DMD: variants seen among roughly 807,000 people sequenced by gnomAD.
DMD encodes the protein dystrophin.
A neutral mutation model predicts 330.1 loss-of-function variants in DMD; 63 were observed. The ratio of observed to expected loss-of-function variants is 0.19; its 90% CI spans 0.16 to 0.24. The LOEUF (loss-of-function observed/expected upper bound fraction) is 0.24, where lower values mean the gene tolerates loss of function less well. Among genes scored for constraint, DMD ranks in the 10% least tolerant of loss-of-function variants. The probability of loss-of-function intolerance (pLI) is 1.00; values close to 1 mark genes in which losing one functional copy is unlikely to be tolerated. For missense variants in DMD, 3,344 were observed against 2,684.1 expected, an observed-to-expected ratio of 1.25 and a Z score of -5.43; for synonymous variants, 1,223 against 959.8, an observed-to-expected ratio of 1.27 and a Z score of -5.07.
chrX:33,266,114 C>T (rs1031890425), intron 1 of DMD, among the ~76,000 whole-genome samples: 1 of 111,276 alleles, frequency 9.0e-6, no homozygotes, highest in Non-Finnish European at 1.9e-5. Flanking sequence ...TCAGCCTTGG[C>T]CTCCCCTTAT....
intron 29 of DMD, among the ~76,000 whole-genome samples, chrX:32,419,738 G>C (rs1264295887): frequency 9.0e-6 from 1 of 111,601 alleles, no homozygotes; most frequent in Non-Finnish European, 1.9e-5. Context: ...TGGTTAATAG[G>C]AACTTCACCT....
At chrX:33,060,370 T>C (rs2094567829) in intron 1 of DMD, among the ~76,000 whole-genome samples, 1 of 111,229 alleles carries the variant, frequency 9.0e-6, no homozygotes, top group African/African-American at 3.3e-5. Context: ...CTGGCTAAAC[T>C]GATCTGGCCT....
At chrX:31,862,125 T>C (rs73464102) in intron 48 of DMD, among the ~76,000 whole-genome samples, 5,679 of 110,214 alleles carry the variant, frequency 0.052, 123 homozygotes, top group Middle Eastern at 0.088. Context: ...ATTCAATAAA[T>C]AAACAAAATT....
chrX:32,518,387 T>TA (rs756541626), intron 17 of DMD, among the ~76,000 whole-genome samples: 2 of 110,054 alleles, frequency 1.8e-5, no homozygotes, highest in Non-Finnish European at 3.8e-5. Flanking sequence ...ATATATCCTG[T>TA]AAGCTATTAC....
chrX:32,849,932 T>A lies in DMD; in HGVS notation c.94-112A>T, dbSNP rs72470532. The A allele has an allele frequency of 1.2e-3, 717 of 615,369 alleles. 8 individuals are homozygous for A. In the African/African-American group the frequency reaches 0.015, roughly 13 times the overall value. The allele number at this position is 615,369 out of a possible 1,213,427, so 50.7% of individuals were successfully genotyped here. On this transcript the variant is annotated intron_variant, in intron 2 of 78. Transcript: ENST00000357033. ...TATATTTAAGGATAATTAGTGTGCATAATTAATCTGCCGAAGATGACGGAT... is the reference window on the plus strand; with the variant it reads ...TATATTTAAGGATAATTAGTGTGCAAAATTAATCTGCCGAAGATGACGGAT...
intron 62 of DMD, among the ~76,000 whole-genome samples, chrX:31,306,003 G>GAACTACCTTGTATATATAT (rs2055002303): frequency 8.9e-6 from 1 of 112,127 alleles, no homozygotes; most frequent in Admixed American, 9.5e-5. Flanking sequence ...GTTGTTGTTT[G>GAACTACCTTGTATATATAT]AAATTGTATA....
intron 50 of DMD, among the ~76,000 whole-genome samples, chrX:31,810,432 C>T: frequency 8.9e-6 from 1 of 111,753 alleles, no homozygotes; most frequent in Non-Finnish European, 1.9e-5. Context: ...ATGTATTTTT[C>T]CTATTCGAAT....
intron 6 of DMD, among the ~76,000 whole-genome samples, chrX:32,810,078 G>C (rs73621839): frequency 2.7e-5 from 3 of 110,515 alleles, no homozygotes; most frequent in African/African-American, 9.9e-5. Flanking sequence ...AACCATAATC[G>C]TGCCACTGTA....
rs1250013091 is a variant in DMD, at chrX:32,923,059, C to G, written c.94-73239G>C. Among the ~76,000 whole-genome samples the G allele has an allele frequency of 6.3e-5, 7 of 111,686 alleles. No individual in the cohort carries two copies. In the Admixed American group the frequency reaches 6.7e-4, roughly 11 times the overall value. On this transcript the variant is annotated intron_variant, in intron 2 of 78. Transcript: ENST00000357033. ...TTCTTCTTGAGAGAAACATAGAATTCTATGTCTCCTATTTATAGACATTAA... is the reference window on the plus strand; with the variant it reads ...TTCTTCTTGAGAGAAACATAGAATTGTATGTCTCCTATTTATAGACATTAA...
Position 33,219,306 on chromosome X carries a change from TTGTGTGTG to T in DMD, c.7+119945_7+119952del, listed in dbSNP as rs56332488. Among the ~76,000 whole-genome samples the T allele has an allele frequency of 3.3e-3, 239 of 72,985 alleles. 1 individual carries two copies. The highest frequency in any genetic ancestry group is 9.1e-3 in the African/African-American group (207 of 22,844). The allele number at this position is 72,985 out of a possible 115,157, so 63.4% of individuals were successfully genotyped here. A position where few individuals can be genotyped will look rare whatever the true frequency, so the allele number is the denominator to read the frequency against. ...TCTATGGTTGATACTTTAGAGATTA[TTGTGTGTG>T]TGTGTGTGTGTGTGTGTGTGTGTGT... On this transcript the variant is annotated intron_variant, in intron 1 of 17. Coordinates refer to the DMD transcript ENST00000288447.
intron 51 of DMD, among the ~76,000 whole-genome samples, chrX:31,747,866 C>T (rs1201195119): frequency 8.9e-6 from 1 of 112,027 alleles, no homozygotes; most frequent in African/African-American, 3.2e-5. Context: ...ACAATAATTT[C>T]AATACCTTTT....
intron 44 of DMD, among the ~76,000 whole-genome samples, chrX:32,152,181 A>G (rs2096806818): frequency 1.8e-5 from 2 of 112,171 alleles, no homozygotes; most frequent in African/African-American, 6.5e-5. Flanking sequence ...TGCATACCAC[A>G]TATGGGCTAC....
intron 59 of DMD, among the ~76,000 whole-genome samples, chrX:31,448,893 T>A (rs1245219788): frequency 8.9e-6 from 1 of 112,678 alleles, no homozygotes; most frequent in East Asian, 2.8e-4. Flanking sequence ...TAAGTTTTTC[T>A]TCATATAAAA....
At chrX:32,715,942 T>C (rs2065675203) in intron 7 of DMD, among the ~76,000 whole-genome samples, 2 of 111,875 alleles carry the variant, frequency 1.8e-5, no homozygotes, top group Non-Finnish European at 3.8e-5. Context: ...AAAGTAACTA[T>C]GCTGAGTATC....
At chrX:31,786,841 G>T (rs773138412) in intron 50 of DMD, among the ~76,000 whole-genome samples, 7 of 111,703 alleles carry the variant, frequency 6.3e-5, no homozygotes, top group African/African-American at 1.3e-4. Flanking sequence ...TGAAGCCTCA[G>T]TAGCAACTGC....
chrX:32,815,496 T>TGC (rs1805741092), intron 6 of DMD, among the ~76,000 whole-genome samples: 1 of 53,190 alleles, frequency 1.9e-5, no homozygotes, highest in African/African-American at 7.1e-5. Flanking sequence ...CACACAAGCA[T>TGC]ATATATATAT....
At chrX:32,269,607 G>A (rs1434455652) in intron 43 of DMD, among the ~76,000 whole-genome samples, 1 of 111,180 alleles carries the variant, frequency 9.0e-6, no homozygotes, top group East Asian at 2.8e-4. Flanking sequence ...ATTATATACC[G>A]ACTATATAGT....
chrX:32,724,758 A>G (rs1603275919), intron 7 of DMD, among the ~76,000 whole-genome samples: 1 of 112,107 alleles, frequency 8.9e-6, no homozygotes, highest in African/African-American at 3.2e-5. Context: ...GATGAACTAA[A>G]AATACTAACC....
Position 32,386,351 on chromosome X carries a change from C to T in DMD, c.4633G>A (p.Val1545Ile). Residue 1545 changes from valine (V) to isoleucine (I), a missense_variant, in exon 33 of 79, where the codon GTA becomes ATA. Coordinates refer to ENST00000357033, the MANE Select transcript of DMD (RefSeq NM_004006.3). The stretch of plus-strand genomic sequence containing the variant: ...TTATAATGCAATTTCAAAGCTGTTA[C>T]TCTTTCATCAAGTTCTTTGGGATTT... ...TENPKELDER[V>I]TALKLHYNEL... is the part of the protein sequence containing the mutation. 1 of 1,209,529 alleles carries T rather than the reference C, an allele frequency of 8.3e-7. No homozygotes were observed. The highest frequency in any genetic ancestry group is 1.1e-6 in the Non-Finnish European group (1 of 893,967).
Sources: allele counts gnomAD v4.1 joint callset (sites outside exome capture counted in the v4.1 genomes callset), GRCh38; gene constraint gnomAD v4.1.1; transcripts MANE v1.5; gene names NCBI Gene and HGNC (gene_info 2026-07-23, HGNC 2026-07-21).